Variants in GTF2H1 observed in about 807,000 individuals in gnomAD.
The protein encoded by GTF2H1 is BTF2 p62.
A neutral mutation model predicts 71.2 loss-of-function variants in GTF2H1; 16 were observed. The ratio of observed to expected loss-of-function variants is 0.22; its 90% confidence interval spans 0.15 to 0.34. The LOEUF is 0.34. Among genes scored for constraint, GTF2H1 ranks in the 10% least tolerant of loss-of-function variants. The probability of loss-of-function intolerance (pLI) is 1.00; values close to 1 mark genes in which losing one functional copy is unlikely to be tolerated. For synonymous variants in GTF2H1, 215 were observed against 219.0 expected (o/e 0.98, Z 0.16); for missense variants, 498 against 648.2 (o/e 0.77, Z 2.52).
At chr11:18,358,493 C>A in intron 12 of GTF2H1, 32 bp from the exon 13 acceptor site, 1 of 1,259,768 alleles carries the variant, frequency 7.9e-7, no homozygotes, top group South Asian at 1.2e-5. Flanking sequence ...TAAAATAGCT[C>A]TTAACCTATG....
intron 7 of GTF2H1, 138 bp from the exon 8 acceptor site, chr11:18,347,450 A>C: frequency 1.7e-6 from 1 of 580,502 alleles, no homozygotes; most frequent in Non-Finnish European, 3.0e-6. Flanking sequence ...TTGTTTTTAA[A>C]TGTTTGTTCA....
At chr11:18,356,816 G>A (rs1372052432) in intron 11 of GTF2H1, among the ~76,000 whole-genome samples, 1 of 141,916 alleles carries the variant, frequency 7.0e-6, no homozygotes, top group Non-Finnish European at 1.5e-5. Context: ...TGCAGTCAGG[G>A]TCTTGCTTTG....
Position 18,347,692 on chromosome 11 carries a change from C to T in GTF2H1, c.942C>T (p.Val314=). 1 of 1,613,754 alleles carries T rather than the reference C, an allele frequency of 6.2e-7. No individual in the cohort carries two copies. The change falls in exon 8 of 15, where the codon GTC becomes GTT. Residue 314 remains valine (V), a synonymous_variant. Transcript: ENST00000265963. ...IKRFNHHSAM[V]LAAGLRKQEA... is the part of the protein sequence containing the mutation. The stretch of plus-strand genomic sequence containing the variant: ...GATTTAACCATCACAGTGCCATGGT[C>T]CTGGCAGCTGGACTCAGAAAACAGT...
chr11:18,355,025 G>T (rs1865509964), intron 11 of GTF2H1, among the ~76,000 whole-genome samples: 1 of 151,900 alleles, frequency 6.6e-6, no homozygotes, highest in Non-Finnish European at 1.5e-5. Flanking sequence ...GCCCAGGCTG[G>T]TCTTTAACTC....
chr11:18,352,299 A>G, intron 10 of GTF2H1, 30 bp from the exon 11 acceptor site: 1 of 943,424 alleles, frequency 1.1e-6, no homozygotes, highest in East Asian at 2.4e-5. Flanking sequence ...ACTGTGTGTG[A>G]TTAGTAATTT....
At chr11:18,348,931 T>G (rs1351123356) in intron 9 of GTF2H1, 2 of 152,180 alleles carry the variant, frequency 1.3e-5, no homozygotes, top group African/African-American at 2.4e-5. Context: ...CAGGCTGGAG[T>G]GCAGTGGTGC....
At chr11:18,330,236 G>A (rs1313242766) in intron 1 of GTF2H1, among the ~76,000 whole-genome samples, 1 of 152,164 alleles carries the variant, frequency 6.6e-6, no homozygotes, top group African/African-American at 2.4e-5. Flanking sequence ...GTCCTAACTT[G>A]GAACATTTTT....
At chr11:18,332,793 C>A in intron 1 of GTF2H1, 1 of 233,626 alleles carries the variant, frequency 4.3e-6, no homozygotes, top group Non-Finnish European at 8.3e-6. Context: ...AAGAATATAA[C>A]TGAGGAAAAT....
chr11:18,351,784 C>A (rs951090370), intron 9 of GTF2H1, 97 bp from the exon 10 acceptor site: 1 of 654,100 alleles, frequency 1.5e-6, no homozygotes, highest in African/African-American at 1.8e-5. Context: ...GGGAAGACTT[C>A]ATTTTTTACC....
chr11:18,353,042 A>T (rs1372810824), intron 11 of GTF2H1, among the ~76,000 whole-genome samples: 2 of 152,208 alleles, frequency 1.3e-5, no homozygotes, highest in African/African-American at 4.8e-5. Flanking sequence ...CCTGACCAAC[A>T]TGGTGAAACC....
chr11:18,333,770 A>G (rs1460226784), intron 2 of GTF2H1, among the ~76,000 whole-genome samples: 1 of 152,208 alleles, frequency 6.6e-6, no homozygotes, highest in Non-Finnish European at 1.5e-5. Flanking sequence ...TGTTATAGGC[A>G]TGCACCACCA....
At chr11:18,328,950 C>T (rs1341327785) in intron 1 of GTF2H1, among the ~76,000 whole-genome samples, 1 of 151,942 alleles carries the variant, frequency 6.6e-6, no homozygotes, top group African/African-American at 2.4e-5. Flanking sequence ...AGTCTTAAGA[C>T]ATCAAATAAG....
At chr11:18,363,812 C>T (rs1457948100) in intron 14 of GTF2H1, among the ~76,000 whole-genome samples, 3 of 151,958 alleles carry the variant, frequency 2.0e-5, no homozygotes, top group South Asian at 4.2e-4. Flanking sequence ...GTGGCTTACA[C>T]CTGTAATCCC....
chr11:18,363,089 C>T (rs970733561), intron 14 of GTF2H1, among the ~76,000 whole-genome samples: 3 of 152,136 alleles, frequency 2.0e-5, no homozygotes, highest in Admixed American at 2.0e-4. Context: ...TCTTCCACCT[C>T]CACATCTTGT....
intron 1 of GTF2H1, among the ~76,000 whole-genome samples, chr11:18,326,392 C>T (rs1008963130): frequency 9.2e-5 from 14 of 151,976 alleles, no homozygotes; most frequent in Middle Eastern, 3.2e-3. Context: ...TGTGGTGGTG[C>T]GTGCCTGTAA....
chr11:18,326,865 T>A (rs1864779814), intron 1 of GTF2H1, among the ~76,000 whole-genome samples: 1 of 152,222 alleles, frequency 6.6e-6, no homozygotes, highest in Non-Finnish European at 1.5e-5. Flanking sequence ...TTCATTTTTC[T>A]TAAAACATAT....
intron 3 of GTF2H1, 116 bp from the exon 4 acceptor site, chr11:18,337,993 C>G: frequency 3.0e-6 from 2 of 659,034 alleles, no homozygotes; most frequent in Non-Finnish European, 5.2e-6. Context: ...GCTCAAACAT[C>G]ACAAAATAAA....
At chr11:18,339,010 T>C (rs917792471) in intron 4 of GTF2H1, among the ~76,000 whole-genome samples, 4 of 152,100 alleles carry the variant, frequency 2.6e-5, no homozygotes, top group African/African-American at 9.7e-5. Flanking sequence ...TTATAGAAAA[T>C]GTAAGATTTG....
chr11:18,338,406 AT>A lies in GTF2H1; in HGVS notation c.513+134del, dbSNP rs1469801996. The A allele has an allele frequency of 1.3e-5, 8 of 621,202 alleles. No individual in the cohort carries two copies. In the East Asian group the frequency reaches 1.9e-4, roughly 15 times the overall value. The allele number at this position is 621,202 out of a possible 1,614,324, so 38.5% of individuals were successfully genotyped here. On this transcript the variant is annotated intron_variant, in intron 4 of 14. Transcript: ENST00000265963. The stretch of plus-strand genomic sequence containing the variant: ...TAATGGAAAATTGAGTATCCATGGT[AT>A]TCTTCACTATTATTGAACTATTATT...
Sources: gnomAD v4.1 joint callset for allele counts (sites outside exome capture counted in the v4.1 genomes callset) on GRCh38, gnomAD v4.1.1 for gene constraint, MANE v1.5 for transcripts, NCBI Gene and HGNC (gene_info 2026-07-23, HGNC 2026-07-21) for gene names.